The following METAP2 variants were observed in gnomAD, a reference collection of about 807,000 sequenced individuals.
METAP2 encodes methionine aminopeptidase 2.
A neutral mutation model predicts 59.4 loss-of-function variants in METAP2; 25 were observed. That is an observed-to-expected ratio of 0.42 (90% CI 0.31 to 0.59). The LOEUF (loss-of-function observed/expected upper bound fraction) is 0.59, where lower values mean the gene tolerates loss of function less well. Ranked by LOEUF, METAP2 falls within the 20% of genes least tolerant of loss-of-function variation. METAP2 has a pLI of 0.16. For missense variants in METAP2, 366 were observed against 581.2 expected, an observed-to-expected ratio of 0.63 and a Z score of 3.81; for synonymous variants, 214 against 194.1, an observed-to-expected ratio of 1.10 and a Z score of -0.85.
At chr12:95,495,224 C>T in intron 6 of METAP2, 86 bp downstream of exon 6, 1 of 1,180,586 alleles carries the variant, frequency 8.5e-7, no homozygotes, top group Non-Finnish European at 1.2e-6. Flanking sequence ...AAATACTGAA[C>T]TCCCAAATTT....
At chr12:95,481,478 A>C (rs1322008278) in intron 2 of METAP2, among the ~76,000 whole-genome samples, 1 of 152,198 alleles carries the variant, frequency 6.6e-6, no homozygotes, top group African/African-American at 2.4e-5. Context: ...AAGAAAAGAC[A>C]TGTAAAAGCA....
intron 9 of METAP2, among the ~76,000 whole-genome samples, chr12:95,512,315 G>GT (rs1289494164): frequency 9.0e-4 from 137 of 152,272 alleles, no homozygotes; most frequent in African/African-American, 3.2e-3. Flanking sequence ...GAAGCAGAAA[G>GT]ACCAAAAAGT....
rs150315483 is a variant in METAP2 at position 95,478,610 on chromosome 12, C to G, written c.259+2432C>G. Reference sequence around the variant, plus strand: ...TTGCGCCATTGCACTTTAGCCTGGGCAACAAAAGTGAAACTCTGTCTCAAA... The same window carrying G: ...TTGCGCCATTGCACTTTAGCCTGGGGAACAAAAGTGAAACTCTGTCTCAAA... On this transcript the variant is annotated intron_variant, in intron 2 of 10. Coordinates refer to ENST00000323666, the MANE Select transcript of METAP2 (RefSeq NM_006838.4). 7.4e-3 allele frequency among the ~76,000 whole-genome samples: 1,119 copies of G among 151,784 alleles called. 8 individuals carry two copies. The highest frequency in any genetic ancestry group is 0.026 in the African/African-American group (1,064 of 41,362).
At chr12:95,502,729 G>A (rs2076325738) in intron 7 of METAP2, among the ~76,000 whole-genome samples, 1 of 152,006 alleles carries the variant, frequency 6.6e-6, no homozygotes, top group African/African-American at 2.4e-5. Context: ...TGATATACAG[G>A]TCCCTGAGGT....
intron 7 of METAP2, among the ~76,000 whole-genome samples, 176 bp downstream of exon 7, chr12:95,496,274 A>G (rs1047514427): frequency 6.6e-6 from 1 of 151,344 alleles, no homozygotes; most frequent in African/African-American, 2.4e-5. Context: ...ATGATTGTGT[A>G]CCAAAGGTTG....
Position 95,483,189 on chromosome 12 carries a change from CATGTACTTGAA to C in METAP2, c.260-21_260-11del. ...CCTCTGCTTATGAGGTTTAAATGAA[CATGTACTTGAA>C]ATGTCTTTTCTTAGATGGAGATGGC... On this transcript the variant is annotated splice_polypyrimidine_tract_variant and intron_variant, in intron 2 of 10. Coordinates refer to ENST00000323666, the MANE Select transcript of METAP2 (RefSeq NM_006838.4). 6.3e-7 allele frequency: 1 copy of C among 1,578,244 alleles called. No homozygotes were observed. Among genetic ancestry groups the C allele is most frequent in the South Asian group, 1.1e-5 (1 of 90,332 alleles).
At chr12:95,474,677 G>C (rs2076104612) in intron 1 of METAP2, among the ~76,000 whole-genome samples, 1 of 152,184 alleles carries the variant, frequency 6.6e-6, no homozygotes, top group Non-Finnish European at 1.5e-5. Flanking sequence ...TCTTTCGCGC[G>C]ATTTGGCCGC....
intron 7 of METAP2, among the ~76,000 whole-genome samples, chr12:95,502,611 ATTC>A (rs2076324917): frequency 6.6e-6 from 1 of 151,840 alleles, no homozygotes; most frequent in South Asian, 2.1e-4. Context: ...TGGATGCTAT[ATTC>A]TTGTATTTCA....
intron 7 of METAP2, among the ~76,000 whole-genome samples, chr12:95,502,313 T>C (rs1218580150): frequency 7.9e-5 from 12 of 152,166 alleles, no homozygotes; most frequent in Non-Finnish European, 4.4e-5. Context: ...GCCTGATTTC[T>C]TTCTCACTTT....
chr12:95,511,881 A>G lies in METAP2; in HGVS notation c.965-14A>G. The G allele has an allele frequency of 1.3e-6, 2 of 1,566,472 alleles. No individual in the cohort carries two copies. The highest frequency in any genetic ancestry group is 8.7e-7 in the Non-Finnish European group (1 of 1,142,888). On this transcript the variant is annotated splice_polypyrimidine_tract_variant and intron_variant, in intron 8 of 10. Coordinates refer to ENST00000323666, the MANE Select transcript of METAP2 (RefSeq NM_006838.4). Reference sequence around the variant, plus strand: ...GATCCTGAATGACTTTTATTTCCCTATTTTTTATAACAGTGAAACCAATCC... The same window carrying G: ...GATCCTGAATGACTTTTATTTCCCTGTTTTTTATAACAGTGAAACCAATCC...
chr12:95,487,641 C>T (rs897733965), intron 4 of METAP2, among the ~76,000 whole-genome samples: 1 of 150,910 alleles, frequency 6.6e-6, no homozygotes, highest in African/African-American at 2.4e-5. Flanking sequence ...CTTCCAGACC[C>T]ATGTTAACCA....
At chr12:95,478,350 AC>A (rs1228233586) in intron 2 of METAP2, among the ~76,000 whole-genome samples, 1 of 152,092 alleles carries the variant, frequency 6.6e-6, no homozygotes, top group Admixed American at 6.6e-5. Flanking sequence ...GGAAAACTAG[AC>A]CAGGTGTGTT....
intron 8 of METAP2, among the ~76,000 whole-genome samples, chr12:95,511,103 TCTTCTTTCTTA>T (rs2076398336): frequency 6.6e-6 from 1 of 152,176 alleles, no homozygotes; most frequent in South Asian, 2.1e-4. Flanking sequence ...AGATTTTCTT[TCTTCTTTCTTA>T]CTTCTATTTC....
At chr12:95,495,965 G>T in intron 6 of METAP2, 39 bp from the exon 7 acceptor site, 1 of 1,212,258 alleles carries the variant, frequency 8.2e-7, no homozygotes, top group Non-Finnish European at 1.2e-6. Context: ...AAATTGACTA[G>T]CTGATAAGTA....
chr12:95,493,739 C>G (rs1199781568), intron 4 of METAP2, among the ~76,000 whole-genome samples: 1 of 152,208 alleles, frequency 6.6e-6, no homozygotes, highest in Non-Finnish European at 1.5e-5. Flanking sequence ...CTTTTTCCTA[C>G]TTACTCTGAT....
chr12:95,504,164 A>G lies in METAP2; in HGVS notation c.964+3A>G, dbSNP rs1365527723. 1.3e-6 allele frequency: 2 copies of G among 1,563,402 alleles called. No individual in the cohort carries two copies. The highest frequency in any genetic ancestry group is 1.4e-5 in the African/African-American group (1 of 73,522). On this transcript the variant is annotated splice_donor_region_variant and intron_variant, in intron 8 of 10. Transcript: ENST00000323666. ...AATAGATGGGAAGACATATCAAGGT[A>G]TGTTCTTTTAAAATATATCTTATTT...
At chr12:95,495,682 A>G (rs957892311) in intron 6 of METAP2, among the ~76,000 whole-genome samples, 2 of 151,918 alleles carry the variant, frequency 1.3e-5, no homozygotes, top group East Asian at 3.9e-4. Context: ...CTGCGTTACT[A>G]TTTCTCATTT....
chr12:95,477,737 T>G lies in METAP2; in HGVS notation c.259+1559T>G, dbSNP rs145219375. 8.0e-3 allele frequency among the ~76,000 whole-genome samples: 1,225 copies of G among 152,264 alleles called. 6 individuals are homozygous for G. Among genetic ancestry groups the G allele is most frequent in the Middle Eastern group, 0.041 (12 of 294 alleles). ...TAACCATTAGTTGGGGCTGTAATTA[T>G]TGTGTTAGGGTAATGTAGAGTAGTT... On this transcript the variant is annotated intron_variant, in intron 2 of 10. Transcript: ENST00000323666.
intron 8 of METAP2, among the ~76,000 whole-genome samples, chr12:95,506,792 A>ATATT (rs879449367): frequency 0.037 from 3,716 of 99,298 alleles, 164 homozygotes; most frequent in African/African-American, 0.13. Context: ...GCAAAGCAGA[A>ATATT]TACTTATTTA....
Sources: allele counts gnomAD v4.1 joint callset (sites outside exome capture counted in the v4.1 genomes callset), GRCh38; gene constraint gnomAD v4.1.1; transcripts MANE v1.5; gene names NCBI Gene and HGNC (gene_info 2026-07-23, HGNC 2026-07-21).